P2RX3: variants seen among roughly 807,000 people sequenced by gnomAD.
P2RX3 encodes P2X purinoceptor 3.
In P2RX3, 41 loss-of-function variants were observed where a neutral mutation model predicts 51.5. The observed-to-expected ratio is 0.80, with a 90% CI of 0.62 to 1.03. The LOEUF (loss-of-function observed/expected upper bound fraction) is 1.03, where lower values mean the gene tolerates loss of function less well. P2RX3 is among the 50% of genes least tolerant of loss of function. P2RX3 has a pLI of 0.00. For missense variants in P2RX3, 459 were observed against 522.1 expected, an observed-to-expected ratio of 0.88 and a Z score of 1.18; for synonymous variants, 185 against 191.6, an observed-to-expected ratio of 0.97 and a Z score of 0.29.
intron 1 of P2RX3, among the ~76,000 whole-genome samples, chr11:57,346,309 C>T (rs912854430): frequency 6.6e-6 from 1 of 152,184 alleles, no homozygotes; most frequent in African/African-American, 2.4e-5. Flanking sequence ...GGGGGGACCA[C>T]TAGGGGAGAA....
chr11:57,346,936 G>A (rs1856447043), intron 2 of P2RX3, among the ~76,000 whole-genome samples, 180 bp from the exon 3 acceptor site: 1 of 152,220 alleles, frequency 6.6e-6, no homozygotes, highest in South Asian at 2.1e-4. Flanking sequence ...ATGGGAGAAG[G>A]GGGCCATGTG....
Position 57,347,869 on chromosome 11 carries a change from G to T in P2RX3, c.392-301G>T, listed in dbSNP as rs77121389. Among the ~76,000 whole-genome samples the T allele has an allele frequency of 3.6e-3, 541 of 152,292 alleles. 21 individuals are homozygous for T. In the East Asian group the frequency reaches 0.081, roughly 23 times the overall value. ...GGCAGGACAGAGGGGGCTTCAAAAAGTTCATTCCAGACAGAAGGAACAGCT... is the reference window on the plus strand; with the variant it reads ...GGCAGGACAGAGGGGGCTTCAAAAATTTCATTCCAGACAGAAGGAACAGCT... On this transcript the variant is annotated intron_variant, in intron 4 of 11. Transcript: ENST00000263314.
chr11:57,350,789 T>A lies in P2RX3; in HGVS notation c.733T>A (p.Trp245Arg), dbSNP rs997898597. 2 of 1,613,828 alleles carry A rather than the reference T, an allele frequency of 1.2e-6. No homozygotes were observed. The highest frequency in any genetic ancestry group is 2.7e-5 in the African/African-American group (2 of 74,950). Residue 245 changes from tryptophan to arginine, a missense_variant, in exon 8 of 12, where the codon TGG becomes AGG. Transcript: ENST00000263314. ...TGGVLGIKIGWVCDLDKAWDQ... is the reference protein window; with the variant it reads ...TGGVLGIKIGRVCDLDKAWDQ... ...GGGAGTTCTGGGCATTAAGATCGGC[T>A]GGGTGTGCGACTTGGACAAGGCCTG...
intron 1 of P2RX3, among the ~76,000 whole-genome samples, chr11:57,346,251 T>C (rs189092614): frequency 6.6e-6 from 1 of 152,342 alleles, no homozygotes; most frequent in East Asian, 1.9e-4. Flanking sequence ...AGCACAAATT[T>C]GCATACAGTA....
chr11:57,346,471 G>A (rs1291432886), intron 1 of P2RX3, 73 bp from the exon 2 acceptor site: 2 of 1,562,676 alleles, frequency 1.3e-6, no homozygotes, highest in African/African-American at 1.4e-5. Flanking sequence ...GCAGGAAGGT[G>A]ACCTCTCCCA....
intron 8 of P2RX3, among the ~76,000 whole-genome samples, chr11:57,366,209 G>A (rs949189778): frequency 6.6e-6 from 1 of 152,164 alleles, no homozygotes; most frequent in Non-Finnish European, 1.5e-5. Flanking sequence ...GCAGAGCCAC[G>A]CAGCAGGAAG....
intron 11 of P2RX3, 57 bp downstream of exon 11, chr11:57,369,495 G>T: frequency 6.6e-7 from 1 of 1,526,446 alleles, no homozygotes; most frequent in South Asian, 1.2e-5. Context: ...GGCAGGCAGG[G>T]GCAGGGACTC....
chr11:57,337,522 A>T (rs374007081), upstream of P2RX3, among the ~76,000 whole-genome samples: 1 of 152,152 alleles, frequency 6.6e-6, no homozygotes, highest in African/African-American at 2.4e-5. Context: ...CTTTGCAGGG[A>T]CATGGATGAA....
At chr11:57,349,465 CA>C (rs147483912) in intron 6 of P2RX3, among the ~76,000 whole-genome samples, 2,989 of 138,712 alleles carry the variant, frequency 0.022, 37 homozygotes, top group Middle Eastern at 0.047. Flanking sequence ...GACTCCGTCT[CA>C]AAAAAAAAAA....
chr11:57,355,128 C>T (rs1348345456), intron 8 of P2RX3, among the ~76,000 whole-genome samples: 3 of 152,136 alleles, frequency 2.0e-5, no homozygotes, highest in African/African-American at 7.2e-5. Flanking sequence ...GGGAGGAGCA[C>T]GGACCTGAGG....
At chr11:57,362,998 C>T (rs1338488727) in intron 8 of P2RX3, among the ~76,000 whole-genome samples, 3 of 152,136 alleles carry the variant, frequency 2.0e-5, no homozygotes, top group African/African-American at 7.2e-5. Flanking sequence ...GTTTTAAGCA[C>T]GGACTATATA....
At chr11:57,353,843 C>G (rs1387323919) in intron 8 of P2RX3, among the ~76,000 whole-genome samples, 4 of 133,606 alleles carry the variant, frequency 3.0e-5, no homozygotes, top group African/African-American at 6.0e-5. Context: ...TCACTCCCCC[C>G]CCCCCGCCCC....
chr11:57,367,175 C>T (rs1463096639), intron 8 of P2RX3, among the ~76,000 whole-genome samples: 2 of 152,230 alleles, frequency 1.3e-5, no homozygotes, highest in African/African-American at 2.4e-5. Flanking sequence ...TCACTCAATG[C>T]TCATGGCAGC....
At chr11:57,349,696 G>A in intron 6 of P2RX3, 61 bp from the exon 7 acceptor site, 1 of 1,607,140 alleles carries the variant, frequency 6.2e-7, no homozygotes, top group Non-Finnish European at 8.5e-7. Flanking sequence ...GGCGGGGAGA[G>A]ATTGCACAAG....
At chr11:57,354,732 A>AGT (rs141122988) in intron 8 of P2RX3, among the ~76,000 whole-genome samples, 83 of 150,828 alleles carry the variant, frequency 5.5e-4, no homozygotes, top group Admixed American at 3.2e-3. Flanking sequence ...TGAGTGTGTC[A>AGT]GTGTGTGTGT....
chr11:57,363,384 C>T (rs564968563), intron 8 of P2RX3, among the ~76,000 whole-genome samples: 1 of 152,292 alleles, frequency 6.6e-6, no homozygotes, highest in Admixed American at 6.5e-5. Flanking sequence ...TTACCTATGG[C>T]ACAGTGCACT....
intron 5 of P2RX3, 68 bp downstream of exon 5, chr11:57,348,331 C>T (rs1856480682): frequency 5.1e-6 from 7 of 1,382,644 alleles, no homozygotes; most frequent in East Asian, 2.5e-5. Context: ...ATGTGGGAGC[C>T]GTGCGTCTCT....
At chr11:57,354,357 T>C (rs900013951) in intron 8 of P2RX3, among the ~76,000 whole-genome samples, 6 of 152,196 alleles carry the variant, frequency 3.9e-5, no homozygotes, top group African/African-American at 1.4e-4. Context: ...TAACTTAGTA[T>C]TTTTATGAAG....
rs1239273063 is a variant in P2RX3 at position 57,370,266 on chromosome 11, C to T, written c.*269C>T. The stretch of plus-strand genomic sequence containing the variant: ...AGGAGCACCTGAGCCATCCCCTTCC[C>T]AAAGAGTAGAGATTATAATGTAGGA... On this transcript the variant is annotated 3_prime_UTR_variant, in exon 12 of 12. Coordinates refer to ENST00000263314, the MANE Select transcript of P2RX3 (RefSeq NM_002559.5). 2 of 473,220 alleles carry T rather than the reference C, an allele frequency of 4.2e-6. No individual in the cohort carries two copies. Among genetic ancestry groups the T allele is most frequent in the Non-Finnish European group, 7.6e-6 (2 of 262,610 alleles). The allele number at this position is 473,220 out of a possible 1,614,324, so 29.3% of individuals were successfully genotyped here.
Sources: gnomAD v4.1 joint callset for allele counts (sites outside exome capture counted in the v4.1 genomes callset) on GRCh38, gnomAD v4.1.1 for gene constraint, MANE v1.5 for transcripts, NCBI Gene and HGNC (gene_info 2026-07-23, HGNC 2026-07-21) for gene names.